The following GLB1L variants were observed in gnomAD, a reference collection of about 807,000 sequenced individuals.
GLB1L encodes the protein galactosidase beta 1 like.
Under a neutral mutation model 75.7 loss-of-function variants are expected in GLB1L, and 58 were observed. The observed-to-expected ratio is 0.77, with a 90% CI of 0.62 to 0.95. The LOEUF is 0.95. Ranked by LOEUF, GLB1L falls within the 40% of genes least tolerant of loss-of-function variation. The pLI, the probability that GLB1L is intolerant of heterozygous loss-of-function variation, is 0.00. For missense variants in GLB1L, 797 were observed against 805.5 expected (o/e 0.99, Z 0.13); for synonymous variants, 296 against 303.0 (o/e 0.98, Z 0.24).
Position 219,237,318 on chromosome 2 carries a change from C to T in GLB1L, c.1719G>A (p.Leu573=), listed in dbSNP as rs371589764. The change falls in exon 17 of 17, where the codon TTG becomes TTA. Residue 573 remains leucine (L), a synonymous_variant. Transcript: ENST00000295759. ...KGQVWINGFN[L]GRYWTKQGPQ... Reference sequence around the variant, plus strand: ...GCCCCTGCTTTGTCCAGTACCGGCCCAAGTTAAACCCATTGATCCAGACTT... The same window carrying T: ...GCCCCTGCTTTGTCCAGTACCGGCCTAAGTTAAACCCATTGATCCAGACTT... 7 of 1,613,810 alleles carry T rather than the reference C, an allele frequency of 4.3e-6. No homozygotes were observed. The African/African-American group carries it at 8.0e-5, about 18-fold the overall frequency.
intron 14 of GLB1L, 116 bp downstream of exon 14, chr2:219,238,134 A>G: frequency 1.9e-6 from 2 of 1,034,472 alleles, no homozygotes; most frequent in Non-Finnish European, 2.9e-6. Flanking sequence ...TTATCCCTGG[A>G]ACCCTCTGCA....
intron 5 of GLB1L, among the ~76,000 whole-genome samples, chr2:219,240,512 G>A (rs950985349): frequency 6.6e-6 from 1 of 152,248 alleles, no homozygotes; most frequent in Non-Finnish European, 1.5e-5. Flanking sequence ...GGGAGGCGGA[G>A]GCAGGCAGAT....
At chr2:219,244,424 A>C (rs1381196035) in intron 1 of GLB1L, among the ~76,000 whole-genome samples, 1 of 152,192 alleles carries the variant, frequency 6.6e-6, no homozygotes, top group Admixed American at 6.5e-5. Flanking sequence ...AGGGGAAACC[A>C]TTGGAAAATC....
chr2:219,241,541 G>A (rs10211319), intron 5 of GLB1L, among the ~76,000 whole-genome samples: 122,891 of 147,818 alleles, frequency 0.83, 51,724 homozygotes, highest in East Asian at 0.96. Context: ...TTCTGCAGGA[G>A]GCTTGTGATG....
In GLB1L at chr2:219,243,652, G is replaced by C; in HGVS notation, c.-70-9C>G. ...GATTCCTGGGAGGGAACCTCAGCGA[G>C]CAAGGGGGCGGAAACCACCTCAAGT... is the stretch of plus-strand genomic sequence containing the variant. On this transcript the variant is annotated splice_polypyrimidine_tract_variant and intron_variant, in intron 1 of 16. Coordinates refer to ENST00000295759, the MANE Select transcript of GLB1L (RefSeq NM_001286423.2). 2.1e-6 allele frequency: 3 copies of C among 1,458,638 alleles called. No individual in the cohort carries two copies. The highest frequency in any genetic ancestry group is 2.9e-6 in the Non-Finnish European group (3 of 1,043,238). The allele number at this position is 1,458,638 out of a possible 1,614,324, so 90.4% of individuals were successfully genotyped here.
chr2:219,240,259 A>G lies in GLB1L; in HGVS notation c.478T>C (p.Phe160Leu), dbSNP rs772471062. Reference sequence around the variant, plus strand: ...TATATCTTGGGCAGCAAGACCTTGAACCAGGAGTCCACTGCGGCAAGGAAG... The same window carrying G: ...TATATCTTGGGCAGCAAGACCTTGAGCCAGGAGTCCACTGCGGCAAGGAAG... ...PDFLAAVDSW[F>L]KVLLPKIYPW... Residue 160 changes from phenylalanine to leucine, a missense_variant, in exon 6 of 17, where the codon TTC becomes CTC. Coordinates refer to ENST00000295759, the MANE Select transcript of GLB1L (RefSeq NM_001286423.2). The G allele has an allele frequency of 7.6e-5, 123 of 1,614,054 alleles. No homozygotes were observed. The highest frequency in any genetic ancestry group is 9.9e-5 in the Non-Finnish European group (117 of 1,180,020).
intron 3 of GLB1L, 59 bp from the exon 4 acceptor site, chr2:219,242,977 G>A (rs1951429616): frequency 6.2e-7 from 1 of 1,600,902 alleles, no homozygotes; most frequent in African/African-American, 1.3e-5. Flanking sequence ...AGGCCTAACG[G>A]CTCAGGCCTT....
Position 219,237,107 on chromosome 2 carries a change from T to TCA in GLB1L, c.1928_1929dup (p.Ser644Ter). 7 of 1,612,012 alleles carry TCA rather than the reference T, an allele frequency of 4.3e-6. No homozygotes were observed. The highest frequency in any genetic ancestry group is 5.9e-6 in the Non-Finnish European group (7 of 1,178,128). On this transcript the variant is annotated frameshift_variant, in exon 17 of 17. Transcript: ENST00000295759. LOFTEE classifies it high-confidence loss of function. ...CTTAACTCCATTGGTTCAGAGGCAC[T>TCA]CAGTGTATCAGCTGAAAGGGAATTG...
rs1472940297 is a variant in GLB1L, at chr2:219,242,797, C to G, written c.361G>C (p.Gly121Arg). 1 of 1,614,196 alleles carries G rather than the reference C, an allele frequency of 6.2e-7. No individual in the cohort carries two copies. Among genetic ancestry groups the G allele is most frequent in the East Asian group, 2.2e-5 (1 of 44,884 alleles). The stretch of plus-strand genomic sequence containing the variant: ...TCCCACTCTGCACAGATGTAAGGTC[C>G]TGGTCTCAGTATGACCAACAGGTTC... ...LANLLVILRPGPYICAEWEMG... is the reference protein window; with the variant it reads ...LANLLVILRPRPYICAEWEMG... The change falls in exon 4 of 17, where the codon GGA becomes CGA. Residue 121 changes from glycine to arginine, a missense_variant. Coordinates refer to ENST00000295759, the MANE Select transcript of GLB1L (RefSeq NM_001286423.2).
intron 5 of GLB1L, among the ~76,000 whole-genome samples, chr2:219,241,463 T>C (rs920830006): frequency 1.9e-4 from 26 of 137,568 alleles, no homozygotes; most frequent in African/African-American, 4.2e-4. Context: ...TATATATATA[T>C]ATACATACAT....
In GLB1L at chr2:219,239,908, C is replaced by A. The variant is rs770300817; in HGVS notation, c.721+12G>T. 2 of 1,614,058 alleles carry A rather than the reference C, an allele frequency of 1.2e-6. No individual in the cohort carries two copies. Among genetic ancestry groups the A allele is most frequent in the Non-Finnish European group, 1.7e-6 (2 of 1,180,054 alleles). On this transcript the variant is annotated intron_variant, in intron 7 of 16. Transcript: ENST00000295759. Reference sequence around the variant, plus strand: ...CTTTCCCCAGACTCCACTCCCAGCCCTTGCTTGAGACCTGGGCCAAAATCT... The same window carrying A: ...CTTTCCCCAGACTCCACTCCCAGCCATTGCTTGAGACCTGGGCCAAAATCT...
At position 219,245,360 on chromosome 2, in the gene GLB1L, C is replaced by T. The variant is rs901942823; in HGVS notation, c.-202G>A. ...GAACCCTCACCAGGGTCCTGGGACC[C>T]GTCCACCCCTACACCTAGCTAGCCC... On this transcript the variant is annotated 5_prime_UTR_variant, in exon 1 of 17. Coordinates refer to ENST00000295759, the MANE Select transcript of GLB1L (RefSeq NM_001286423.2). 7.2e-5 allele frequency: 11 copies of T among 152,364 alleles called. No homozygotes were observed. The highest frequency in any genetic ancestry group is 2.7e-4 in the African/African-American group (11 of 41,480). The allele number at this position is 152,364 out of a possible 1,614,324, so 9.4% of individuals were successfully genotyped here. A position where few individuals can be genotyped will look rare whatever the true frequency, so the allele number is the denominator to read the frequency against.
At chr2:219,243,788 C>A (rs944544994) in intron 1 of GLB1L, 145 bp from the exon 2 acceptor site, 2 of 550,576 alleles carry the variant, frequency 3.6e-6, no homozygotes, top group Non-Finnish European at 6.6e-6. Context: ...CCAGCTTCAT[C>A]GACATCACCT....
rs1951454350 is a variant in GLB1L, at chr2:219,243,609, A to G, written c.-36T>C. On this transcript the variant is annotated 5_prime_UTR_variant, in exon 2 of 17. Coordinates refer to ENST00000295759, the MANE Select transcript of GLB1L (RefSeq NM_001286423.2). ...GCGCTCCTCTAGTCTGAGACGGCGG[A>G]CAGACCGTCACGTGTCGGATTCCTG... is the stretch of plus-strand genomic sequence containing the variant. 1.9e-6 allele frequency: 3 copies of G among 1,602,520 alleles called. No individual in the cohort carries two copies. Among genetic ancestry groups the G allele is most frequent in the Non-Finnish European group, 2.6e-6 (3 of 1,169,938 alleles).
In GLB1L at chr2:219,240,298, G is replaced by A; in HGVS notation, c.452-13C>T. Reference sequence around the variant, plus strand: ...GCGGCAAGGAAGTCTAAAGGAAGGAGCAGAGCTTCTGTGTTAGGTGCTACC... The same window carrying A: ...GCGGCAAGGAAGTCTAAAGGAAGGAACAGAGCTTCTGTGTTAGGTGCTACC... On this transcript the variant is annotated splice_polypyrimidine_tract_variant and intron_variant, in intron 5 of 16. Coordinates refer to ENST00000295759, the MANE Select transcript of GLB1L (RefSeq NM_001286423.2). 6.2e-7 allele frequency: 1 copy of A among 1,603,854 alleles called. No individual in the cohort carries two copies. Among genetic ancestry groups the A allele is most frequent in the Non-Finnish European group, 8.5e-7 (1 of 1,170,642 alleles).
intron 14 of GLB1L, 45 bp from the exon 15 acceptor site, chr2:219,238,002 C>A (rs376271189): frequency 5.0e-6 from 8 of 1,603,638 alleles, no homozygotes; most frequent in Non-Finnish European, 5.1e-6. Flanking sequence ...GCATCTAGCT[C>A]TTAGCCACTG....
At chr2:219,237,767 T>C in intron 15 of GLB1L, 40 bp from the exon 16 acceptor site, 1 of 1,612,992 alleles carries the variant, frequency 6.2e-7, no homozygotes, top group Non-Finnish European at 8.5e-7. Context: ...TTCACTAAGC[T>C]TTGAAGCTAA....
chr2:219,240,227 C>A lies in GLB1L; in HGVS notation c.510G>T (p.Trp170Cys). The A allele has an allele frequency of 3.1e-6, 5 of 1,614,222 alleles. No homozygotes were observed. The highest frequency in any genetic ancestry group is 1.1e-5 in the South Asian group (1 of 91,084). The change falls in exon 6 of 17, where the codon TGG becomes TGT. Residue 170 changes from tryptophan to cysteine, a missense_variant. Transcript: ENST00000295759. ...FKVLLPKIYPWLYHNGGNIIS... is the reference protein window; with the variant it reads ...FKVLLPKIYPCLYHNGGNIIS... Reference sequence around the variant, plus strand: ...TGATGTTGCCCCCATTGTGATAAAGCCATGGATATATCTTGGGCAGCAAGA... The same window carrying A: ...TGATGTTGCCCCCATTGTGATAAAGACATGGATATATCTTGGGCAGCAAGA...
At position 219,240,034 on chromosome 2, in the gene GLB1L, C is replaced by A; in HGVS notation, c.607G>T (p.Gly203Trp). The change falls in exon 7 of 17, where the codon GGG becomes TGG. Residue 203 changes from glycine to tryptophan, a missense_variant. Transcript: ENST00000295759. ...CDFSYMRHLA[G>W]LFRALLGEKI... Reference sequence around the variant, plus strand: ...TCTCCTAGCAGTGCACGGAAGAGCCCAGCCAAGTGCCTCATGTAGCTGAAG... The same window carrying A: ...TCTCCTAGCAGTGCACGGAAGAGCCAAGCCAAGTGCCTCATGTAGCTGAAG... 1 of 1,614,042 alleles carries A rather than the reference C, an allele frequency of 6.2e-7. No homozygotes were observed. Among genetic ancestry groups the A allele is most frequent in the Non-Finnish European group, 8.5e-7 (1 of 1,180,030 alleles).
Sources: gnomAD v4.1 joint callset for allele counts (sites outside exome capture counted in the v4.1 genomes callset) on GRCh38, gnomAD v4.1.1 for gene constraint, MANE v1.5 for transcripts, NCBI Gene and HGNC (gene_info 2026-07-23, HGNC 2026-07-21) for gene names.